The following XPO5 variants were observed in gnomAD, a reference collection of about 807,000 sequenced individuals.
XPO5 encodes the protein exportin-5.
Under a neutral mutation model 160.6 loss-of-function variants are expected in XPO5, and 46 were observed. The ratio of observed to expected loss-of-function variants is 0.29; its 90% CI spans 0.23 to 0.37. The LOEUF (loss-of-function observed/expected upper bound fraction) is 0.37, where lower values mean the gene tolerates loss of function less well. Ranked by LOEUF, XPO5 falls within the 10% of genes least tolerant of loss-of-function variation. The pLI is 1.00. For synonymous variants in XPO5, 537 were observed against 519.3 expected (o/e 1.03, Z -0.46); for missense variants, 1,090 against 1,463.9 (o/e 0.74, Z 4.17).
chr6:43,569,730 C>T lies in XPO5; in HGVS notation c.621+772G>A, dbSNP rs1307587517. 6.1e-5 allele frequency among the ~76,000 whole-genome samples: 9 copies of T among 146,384 alleles called. No individual in the cohort carries two copies. The Admixed American group carries it at 6.2e-4, about 10-fold the overall frequency. On this transcript the variant is annotated intron_variant, in intron 5 of 31. Transcript: ENST00000265351. ...CATGGGTGACAGAGTGAGACTCCCT[C>T]TCCAAAAAAAAAAAAAAAATTAGTA...
At chr6:43,573,450 C>T in intron 2 of XPO5, 30 bp downstream of exon 2, 3 of 1,611,282 alleles carry the variant, frequency 1.9e-6, no homozygotes, top group South Asian at 2.2e-5. Context: ...TTCTCTCAGA[C>T]TTCAGTGGTA....
At chr6:43,538,505 G>C (rs935545184) in intron 20 of XPO5, among the ~76,000 whole-genome samples, 11 of 151,892 alleles carry the variant, frequency 7.2e-5, no homozygotes, top group African/African-American at 1.9e-4. Context: ...TGGATAAACA[G>C]AAAAAAGGAA....
At chr6:43,536,391 C>G (rs940238725) in intron 20 of XPO5, among the ~76,000 whole-genome samples, 1 of 142,326 alleles carries the variant, frequency 7.0e-6, no homozygotes, top group African/African-American at 2.6e-5. Context: ...CTCCAGCCTG[C>G]GCAACACAGT....
At chr6:43,571,120 G>C in intron 3 of XPO5, 126 bp from the exon 4 acceptor site, 1 of 952,754 alleles carries the variant, frequency 1.0e-6, no homozygotes, top group Non-Finnish European at 1.5e-6. Context: ...CAGAACAAAT[G>C]AACCTGTTCT....
chr6:43,553,887 A>G (rs1366842534), intron 13 of XPO5, among the ~76,000 whole-genome samples: 2 of 146,510 alleles, frequency 1.4e-5, no homozygotes, highest in Non-Finnish European at 3.1e-5. Flanking sequence ...CCCCCTTTAT[A>G]ATCTTTTCCA....
intron 21 of XPO5, among the ~76,000 whole-genome samples, chr6:43,532,273 T>G (rs1470562885): frequency 2.0e-5 from 3 of 152,200 alleles, no homozygotes; most frequent in Non-Finnish European, 2.9e-5. Context: ...CAGGACTATC[T>G]AGGCTGAAAC....
At chr6:43,553,662 C>CA in intron 13 of XPO5, 159 bp from the exon 14 acceptor site, 1 of 1,382,684 alleles carries the variant, frequency 7.2e-7, no homozygotes, top group Non-Finnish European at 9.4e-7. Context: ...TCAGCTGGGG[C>CA]AAAGAAAAGA....
chr6:43,540,920 TA>T (rs112382275), intron 20 of XPO5, among the ~76,000 whole-genome samples: 4,988 of 144,124 alleles, frequency 0.035, 260 homozygotes, highest in African/African-American at 0.12. Context: ...TATTCAGCCA[TA>T]AAAAAAAAAA....
rs989298455 is a variant in XPO5, at chr6:43,543,061, A to G, written c.2342+3510T>C. On this transcript the variant is annotated intron_variant, in intron 20 of 31. Transcript: ENST00000265351. ...AACACAAGTACATTCATGCAGTAAC[A>G]TGGATGAACCTCAGAAACAAAATAT... Among the ~76,000 whole-genome samples, 13 of 152,256 alleles carry G rather than the reference A, an allele frequency of 8.5e-5. 1 individual carries two copies. The highest frequency in any genetic ancestry group is 7.2e-4 in the Admixed American group (11 of 15,284).
chr6:43,545,819 T>A (rs1418892662), intron 20 of XPO5, among the ~76,000 whole-genome samples: 1 of 152,202 alleles, frequency 6.6e-6, no homozygotes, highest in Non-Finnish European at 1.5e-5. Context: ...AGACCATCCC[T>A]GAGTCATCAA....
intron 15 of XPO5, among the ~76,000 whole-genome samples, chr6:43,550,607 CTATGATGATGATGCTT>C (rs1278720120): frequency 6.6e-6 from 1 of 152,202 alleles, no homozygotes; most frequent in Non-Finnish European, 1.5e-5. Flanking sequence ...CGTGGGACTA[CTATGATGATGATGCTT>C]TAATTTTATC....
chr6:43,540,084 T>C (rs1794607477), intron 20 of XPO5, among the ~76,000 whole-genome samples: 1 of 152,188 alleles, frequency 6.6e-6, no homozygotes, highest in South Asian at 2.1e-4. Flanking sequence ...GATGAAACCC[T>C]GTCTCTACTG....
At chr6:43,539,486 A>G (rs1448043560) in intron 20 of XPO5, 8 of 1,575,766 alleles carry the variant, frequency 5.1e-6, no homozygotes, top group Non-Finnish European at 6.9e-6. Context: ...CTTGATCTTC[A>G]TGTCCTTGAC....
rs753561416 is a variant in XPO5 at position 43,523,783 on chromosome 6, C to A, written c.*85G>T. 5.7e-5 allele frequency: 92 copies of A among 1,602,878 alleles called. No individual in the cohort carries two copies. The highest frequency in any genetic ancestry group is 7.3e-5 in the Non-Finnish European group (86 of 1,170,494). ...CTGACAGTGGTGGAAAGTGAGGTGG[C>A]AGTGCAAGAAGGGCCTAGAGATCGG... On this transcript the variant is annotated 3_prime_UTR_variant, in exon 32 of 32. Coordinates refer to ENST00000265351, the MANE Select transcript of XPO5 (RefSeq NM_020750.3).
intron 12 of XPO5, 134 bp from the exon 13 acceptor site, chr6:43,556,098 TA>T: frequency 8.5e-7 from 1 of 1,171,908 alleles, no homozygotes; most frequent in Non-Finnish European, 1.2e-6. Flanking sequence ...GCTTTGCATG[TA>T]ATAATCACTC....
rs1795345300 is a variant in XPO5 at position 43,553,366 on chromosome 6, T to C, written c.1572+7A>G. 6.2e-7 allele frequency: 1 copy of C among 1,604,192 alleles called. No homozygotes were observed. The highest frequency in any genetic ancestry group is 1.3e-5 in the African/African-American group (1 of 74,640). ...TCATGCAGTCAGCATGGGAAATAAT[T>C]ACTTACTTCTCTATTTAGTGTTCGA... On this transcript the variant is annotated splice_region_variant and intron_variant, in intron 14 of 31. Coordinates refer to ENST00000265351, the MANE Select transcript of XPO5 (RefSeq NM_020750.3).
intron 25 of XPO5, 122 bp downstream of exon 25, chr6:43,528,037 A>G: frequency 9.7e-7 from 1 of 1,029,430 alleles, no homozygotes. Flanking sequence ...ACCTAGGCTG[A>G]GAATGACTAC....
At chr6:43,560,365 C>T in intron 10 of XPO5, 62 bp from the exon 11 acceptor site, 2 of 1,499,844 alleles carry the variant, frequency 1.3e-6, no homozygotes, top group Non-Finnish European at 1.8e-6. Context: ...CAGATTATTA[C>T]TTAGCAGTTA....
At chr6:43,526,995 G>GA (rs1408060737) in intron 26 of XPO5, 1 of 492,640 alleles carries the variant, frequency 2.0e-6, no homozygotes, top group Non-Finnish European at 3.7e-6. Context: ...GAGTGACTAG[G>GA]AAAGGATGCT....
Sources: allele counts gnomAD v4.1 joint callset (sites outside exome capture counted in the v4.1 genomes callset), GRCh38; gene constraint gnomAD v4.1.1; transcripts MANE v1.5; gene names NCBI Gene and HGNC (gene_info 2026-07-23, HGNC 2026-07-21).